The following AKR1E2 variants were observed in gnomAD, a reference collection of about 807,000 sequenced individuals.
AKR1E2 encodes aldo-keto reductase family 1 member E2, also known as 1,5-anhydro-D-fructose reductase.
AKR1E2 carries 43 observed loss-of-function variants against 41.9 expected under a neutral mutation model. The ratio of observed to expected loss-of-function variants is 1.03; its 90% CI spans 0.80 to 1.32. The LOEUF (loss-of-function observed/expected upper bound fraction) is 1.32, where lower values mean the gene tolerates loss of function less well. Ranked by LOEUF, AKR1E2 falls within the 40% of genes most tolerant of loss-of-function variation. AKR1E2 has a pLI of 0.00. For missense variants in AKR1E2, 423 were observed against 396.5 expected (o/e 1.07, Z -0.57); for synonymous variants, 121 against 138.9 (o/e 0.87, Z 0.91).
chr10:4,851,183 G>C (rs1834520032), downstream of AKR1E2, among the ~76,000 whole-genome samples: 1 of 152,226 alleles, frequency 6.6e-6, no homozygotes, highest in South Asian at 2.1e-4. Flanking sequence ...AATTGATCAA[G>C]ACCCTGTGTC....
chr10:4,828,579 C>T (rs1832726628), intron 1 of AKR1E2, among the ~76,000 whole-genome samples: 1 of 152,152 alleles, frequency 6.6e-6, no homozygotes, highest in South Asian at 2.1e-4. Context: ...TTAGAACTAG[C>T]TTAGAAGGTT....
rs768226829 is a variant in AKR1E2 at position 4,841,765 on chromosome 10, C to T, written c.681-20C>T. ...CATGTTGGATCTCCTGGCTCACTCC[C>T]CTGTACTGTGTCTCTCTAGTGAGGG... On this transcript the variant is annotated intron_variant, in intron 6 of 9. Transcript: ENST00000298375. 51 of 1,596,802 alleles carry T rather than the reference C, an allele frequency of 3.2e-5. No homozygotes were observed. In the East Asian group the frequency reaches 1.0e-3, roughly 32 times the overall value.
rs966841913 is a variant in AKR1E2, at chr10:4,842,372, T to C, written c.754-49T>C. 12 of 1,532,778 alleles carry C rather than the reference T, an allele frequency of 7.8e-6. No individual in the cohort carries two copies. The African/African-American group carries it at 9.5e-5, about 12-fold the overall frequency. The allele number at this position is 1,532,778 out of a possible 1,614,324, so 94.9% of individuals were successfully genotyped here. ...TCACATGTTAGAAAATAACTTAGAC[T>C]ACATGGGATTTCCCTTTGTGTGATA... is the stretch of plus-strand genomic sequence containing the variant. On this transcript the variant is annotated intron_variant, in intron 7 of 9. Coordinates refer to ENST00000298375, the MANE Select transcript of AKR1E2 (RefSeq NM_001040177.3).
the AKR1E2 span, among the ~76,000 whole-genome samples, chr10:4,868,197 A>G: frequency 6.6e-6 from 1 of 152,088 alleles, no homozygotes. Context: ...CCTGTTGCTT[A>G]CTTTTTTCCC....
chr10:4,851,325 A>G (rs1370706240), downstream of AKR1E2, among the ~76,000 whole-genome samples: 1 of 152,156 alleles, frequency 6.6e-6, no homozygotes, highest in Admixed American at 6.5e-5. Flanking sequence ...CATCCACCAT[A>G]CTGTGGTCAT....
rs368832592 is a variant in AKR1E2, at chr10:4,840,963, G to T, written c.681-822G>T. Among the ~76,000 whole-genome samples, 93 of 152,272 alleles carry T rather than the reference G, an allele frequency of 6.1e-4. 1 individual carries two copies. The highest frequency in any genetic ancestry group is 2.2e-3 in the African/African-American group (92 of 41,548). On this transcript the variant is annotated intron_variant, in intron 6 of 9. Coordinates refer to ENST00000298375, the MANE Select transcript of AKR1E2 (RefSeq NM_001040177.3). ...GCACCTGGGAAACATTGGGAACCCC[G>T]AAAAGGCTGAAATTACTTGAGTTTT...
At chr10:4,865,183 A>G in the AKR1E2 span, among the ~76,000 whole-genome samples, 1 of 152,224 alleles carries the variant, frequency 6.6e-6, no homozygotes. Context: ...CCATACTGCA[A>G]GAAAAACACT....
In AKR1E2 at chr10:4,833,341, C is replaced by T. The variant is rs1305188728; in HGVS notation, c.208-9C>T. On this transcript the variant is annotated splice_polypyrimidine_tract_variant and intron_variant, in intron 2 of 9. Transcript: ENST00000298375. Reference sequence around the variant, plus strand: ...GGCACGTGTGACGCTGGTCCCCTCTCCTTTGTAGCTGTGGTGCACCTGCCA... The same window carrying T: ...GGCACGTGTGACGCTGGTCCCCTCTTCTTTGTAGCTGTGGTGCACCTGCCA... 6.2e-7 allele frequency: 1 copy of T among 1,611,626 alleles called. No individual in the cohort carries two copies. The highest frequency in any genetic ancestry group is 2.2e-5 in the East Asian group (1 of 44,864).
chr10:4,849,619 G>C (rs1834484393), downstream of AKR1E2, among the ~76,000 whole-genome samples: 1 of 152,222 alleles, frequency 6.6e-6, no homozygotes, highest in Admixed American at 6.5e-5. Context: ...GAGGGCAGGG[G>C]TGGATGGCTG....
intron 8 of AKR1E2, chr10:4,846,192 G>T (rs1357270878): frequency 4.0e-6 from 1 of 252,304 alleles, no homozygotes; most frequent in Non-Finnish European, 8.0e-6. Context: ...AGGAGGGGAA[G>T]GCTCTTGTGG....
At chr10:4,868,434 T>A in the AKR1E2 span, among the ~76,000 whole-genome samples, 1 of 152,200 alleles carries the variant, frequency 6.6e-6, no homozygotes, top group Non-Finnish European at 1.5e-5. Context: ...GGGAGAAGTG[T>A]AGGAACCTCT....
chr10:4,837,214 C>T (rs545318842), intron 4 of AKR1E2, among the ~76,000 whole-genome samples: 1 of 152,334 alleles, frequency 6.6e-6, no homozygotes, highest in Non-Finnish European at 1.5e-5. Context: ...GCCATGTAGA[C>T]CTGTCCTGAA....
chr10:4,844,876 G>A (rs1320741659), intron 8 of AKR1E2, among the ~76,000 whole-genome samples: 1 of 152,246 alleles, frequency 6.6e-6, no homozygotes, highest in Non-Finnish European at 1.5e-5. Context: ...GCACGGGGCC[G>A]CAGGTGAAGG....
intron 8 of AKR1E2, among the ~76,000 whole-genome samples, chr10:4,844,137 C>A (rs557879513): frequency 6.6e-6 from 1 of 152,042 alleles, no homozygotes. Context: ...GTGGTGTGTC[C>A]GGAGTTTGTT....
rs1410128619 is a variant in AKR1E2, at chr10:4,835,681, C to T, written c.331C>T (p.His111Tyr). 1.2e-6 allele frequency: 2 copies of T among 1,613,980 alleles called. No homozygotes were observed. Among genetic ancestry groups the T allele is most frequent in the South Asian group, 1.1e-5 (1 of 91,056 alleles). Residue 111 changes from histidine (H) to tyrosine (Y), a missense_variant, in exon 4 of 10, where the codon CAT (histidine) becomes TAT (tyrosine). Physicochemically the swap from His to Tyr is moderately conservative, Grantham distance 83 (BLOSUM62 2). Coordinates refer to ENST00000298375, the MANE Select transcript of AKR1E2 (RefSeq NM_001040177.3). ...IHWPMGFKPP[H>Y]PEWIMSCSEL... The stretch of plus-strand genomic sequence containing the variant: ...CAACTCTCCTTCTTCGCAGCCTCCT[C>T]ATCCAGAATGGATCATGAGCTGCAG...
chr10:4,831,856 G>A (rs1231020339), intron 2 of AKR1E2, among the ~76,000 whole-genome samples: 2 of 152,188 alleles, frequency 1.3e-5, no homozygotes, highest in Non-Finnish European at 2.9e-5. Context: ...TGTATCATAT[G>A]TGAGTGCAAC....
intron 1 of AKR1E2, among the ~76,000 whole-genome samples, chr10:4,828,894 A>G (rs1428162714): frequency 2.6e-5 from 4 of 152,146 alleles, no homozygotes; most frequent in African/African-American, 9.7e-5. Flanking sequence ...TGCTATATTC[A>G]TTACACTTCC....
Position 4,830,843 on chromosome 10 carries a change from G to T in AKR1E2, c.207+1G>T. 6.2e-7 allele frequency: 1 copy of T among 1,614,034 alleles called. No homozygotes were observed. Among genetic ancestry groups the T allele is most frequent in the South Asian group, 1.1e-5 (1 of 91,076 alleles). On this transcript the variant is annotated splice_donor_variant, in intron 2 of 9. Coordinates refer to ENST00000298375, the MANE Select transcript of AKR1E2 (RefSeq NM_001040177.3). LOFTEE classifies it high-confidence loss of function. ...GGAGGATCTGTTCATTGCCACTAAG[G>T]TAGGGCTTCTCTATGCAAGGCTGGC...
At chr10:4,872,496 T>G in the AKR1E2 span, among the ~76,000 whole-genome samples, 2 of 152,202 alleles carry the variant, frequency 1.3e-5, no homozygotes, top group Non-Finnish European at 2.9e-5. Context: ...ATACAAATTC[T>G]TTCTGTATAT....
Sources: allele counts gnomAD v4.1 joint callset (sites outside exome capture counted in the v4.1 genomes callset), GRCh38; gene constraint gnomAD v4.1.1; transcripts MANE v1.5; gene names NCBI Gene and HGNC (gene_info 2026-07-23, HGNC 2026-07-21).